PAG1: variants seen among roughly 807,000 people sequenced by gnomAD.
The protein encoded by PAG1 is phosphoprotein membrane anchor with glycosphingolipid microdomains 1.
A neutral mutation model predicts 31.7 loss-of-function variants in PAG1; 23 were observed. That is an observed-to-expected ratio of 0.73 (90% CI 0.52 to 1.03). PAG1 has a LOEUF of 1.03. Among genes scored for constraint, PAG1 ranks in the 50% least tolerant of loss-of-function variants. The pLI is 0.00. For missense variants in PAG1, 473 were observed against 540.7 expected (o/e 0.87, Z 1.24); for synonymous variants, 214 against 210.3 (o/e 1.02, Z -0.15).
intron 3 of PAG1, among the ~76,000 whole-genome samples, chr8:81,006,632 A>T (rs991651836): frequency 6.6e-6 from 1 of 152,162 alleles, no homozygotes; most frequent in African/African-American, 2.4e-5. Flanking sequence ...AATTCTGAAC[A>T]TCTTTAAAAT....
intron 2 of PAG1, among the ~76,000 whole-genome samples, chr8:81,034,334 A>G (rs1283435109): frequency 1.3e-5 from 2 of 152,244 alleles, no homozygotes; most frequent in East Asian, 3.8e-4. Flanking sequence ...AAATCAGAGT[A>G]GGCTCAAGGA....
chr8:81,030,088 G>A lies in PAG1; in HGVS notation c.-173C>T, dbSNP rs1808354796. The A allele has an allele frequency of 6.6e-6, 1 of 152,122 alleles. No individual in the cohort carries two copies. Among genetic ancestry groups the A allele is most frequent in the Non-Finnish European group, 1.5e-5 (1 of 68,024 alleles). The allele number at this position is 152,122 out of a possible 1,614,324, so 9.4% of individuals were successfully genotyped here. On this transcript the variant is annotated splice_region_variant and 5_prime_UTR_variant, in exon 3 of 9. Transcript: ENST00000220597. Reference sequence around the variant, plus strand: ...GGTGAGAGTTCTCTCTTCTTTCTTGGCCTATAGCCAAAGAGAAGGAAAGTT... The same window carrying A: ...GGTGAGAGTTCTCTCTTCTTTCTTGACCTATAGCCAAAGAGAAGGAAAGTT...
intron 5 of PAG1, among the ~76,000 whole-genome samples, chr8:80,991,227 G>C (rs1807540069): frequency 6.6e-6 from 1 of 152,176 alleles, no homozygotes; most frequent in Non-Finnish European, 1.5e-5. Flanking sequence ...CCTGTTTGCG[G>C]TCCTTTGTTA....
intron 2 of PAG1, among the ~76,000 whole-genome samples, chr8:81,035,912 C>CAT (rs1475136738): frequency 6.6e-6 from 1 of 151,728 alleles, no homozygotes; most frequent in Non-Finnish European, 1.5e-5. Context: ...TATATACATG[C>CAT]ATATATACAC....
At chr8:81,028,032 C>T (rs1808314814) in intron 3 of PAG1, among the ~76,000 whole-genome samples, 1 of 152,150 alleles carries the variant, frequency 6.6e-6, no homozygotes, top group Non-Finnish European at 1.5e-5. Context: ...GGCAGGCTCT[C>T]CCACTCTCTA....
At chr8:81,094,914 A>G (rs761369738) in intron 1 of PAG1, among the ~76,000 whole-genome samples, 3 of 152,242 alleles carry the variant, frequency 2.0e-5, no homozygotes, top group Non-Finnish European at 4.4e-5. Flanking sequence ...ACCTTGAGCC[A>G]GATGCTTAAT....
At chr8:81,051,822 A>G (rs1374645491) in intron 2 of PAG1, among the ~76,000 whole-genome samples, 2 of 151,962 alleles carry the variant, frequency 1.3e-5, no homozygotes, top group African/African-American at 4.9e-5. Context: ...CAGCCTGCAT[A>G]AATCATTTTA....
intron 3 of PAG1, among the ~76,000 whole-genome samples, chr8:81,025,181 AACACTG>A (rs1366739025): frequency 2.0e-5 from 3 of 152,006 alleles, no homozygotes; most frequent in Admixed American, 2.0e-4. Context: ...TCCTTAAGAC[AACACTG>A]ACCAAATGAT....
rs1474042870 is a variant in PAG1 at position 80,984,738 on chromosome 8, G to T, written c.876+38C>A. 1.9e-6 allele frequency: 3 copies of T among 1,591,216 alleles called. No homozygotes were observed. The South Asian group carries it at 3.4e-5, about 18-fold the overall frequency. ...GCCAGCTAGATTCCTAACCAGAACA[G>T]GAACCCACAAAGACAAAACAAAAAC... On this transcript the variant is annotated intron_variant, in intron 7 of 8. Transcript: ENST00000220597.
In PAG1 at chr8:81,024,537, C is replaced by T. The variant is rs558487570; in HGVS notation, c.-81+5459G>A. On this transcript the variant is annotated intron_variant, in intron 3 of 8. Transcript: ENST00000220597. ...GATGTATATTAAATGTATGTATCCA[C>T]AAGACCTATGAAGTGTATCTACTGA... Among the ~76,000 whole-genome samples the T allele has an allele frequency of 2.3e-4, 35 of 152,276 alleles. No homozygotes were observed. In the South Asian group the frequency reaches 7.1e-3, roughly 31 times the overall value.
At chr8:81,055,090 T>G (rs1808795714) in intron 2 of PAG1, among the ~76,000 whole-genome samples, 1 of 151,196 alleles carries the variant, frequency 6.6e-6, no homozygotes, top group Non-Finnish European at 1.5e-5. Flanking sequence ...TTTTTTTTTT[T>G]GTTGACACAG....
At chr8:80,988,960 A>C (rs923227779) in intron 5 of PAG1, among the ~76,000 whole-genome samples, 1 of 152,210 alleles carries the variant, frequency 6.6e-6, no homozygotes, top group Non-Finnish European at 1.5e-5. Context: ...AGCCCAAATC[A>C]CTGCAAATGT....
At chr8:81,046,175 G>A (rs969225663) in intron 2 of PAG1, among the ~76,000 whole-genome samples, 22 of 152,178 alleles carry the variant, frequency 1.4e-4, no homozygotes, top group African/African-American at 4.6e-4. Flanking sequence ...TTTTGGTCTT[G>A]GAGAGGATAT....
At position 81,050,877 on chromosome 8, in the gene PAG1, A is replaced by T. The variant is rs375584869; in HGVS notation, c.-175+19235T>A. 5.9e-5 allele frequency among the ~76,000 whole-genome samples: 9 copies of T among 152,330 alleles called. 2 individuals are homozygous for T. Among genetic ancestry groups the T allele is most frequent in the Admixed American group, 3.3e-4 (5 of 15,304 alleles). ...CTCATTCCAAAGGAAACACAAACTCACTGCCTTCAGCCTCCCAGAATCATC... is the reference window on the plus strand; with the variant it reads ...CTCATTCCAAAGGAAACACAAACTCTCTGCCTTCAGCCTCCCAGAATCATC... On this transcript the variant is annotated intron_variant, in intron 2 of 8. Transcript: ENST00000220597.
intron 1 of PAG1, among the ~76,000 whole-genome samples, chr8:81,103,009 T>C (rs116251312): frequency 0.015 from 2,338 of 152,272 alleles, 51 homozygotes; most frequent in African/African-American, 0.052. Context: ...GCCATTGCAA[T>C]TGCTGAAAAA....
At chr8:81,063,831 G>A (rs909527656) in intron 2 of PAG1, among the ~76,000 whole-genome samples, 8 of 152,112 alleles carry the variant, frequency 5.3e-5, no homozygotes, top group African/African-American at 1.2e-4. Flanking sequence ...AGATCTCCTC[G>A]TCATTAGACC....
intron 1 of PAG1, among the ~76,000 whole-genome samples, chr8:81,110,054 A>T (rs1213458663): frequency 1.3e-5 from 2 of 151,070 alleles, no homozygotes; most frequent in Non-Finnish European, 3.0e-5. Context: ...TAGTATTCCT[A>T]AAAAAAAACC....
intron 7 of PAG1, among the ~76,000 whole-genome samples, chr8:80,982,138 T>C (rs913223597): frequency 6.6e-6 from 1 of 152,194 alleles, no homozygotes; most frequent in African/African-American, 2.4e-5. Context: ...AGTGTTACGA[T>C]TACAGGCATG....
chr8:81,105,557 G>C (rs1286956313), intron 1 of PAG1, among the ~76,000 whole-genome samples: 4 of 152,070 alleles, frequency 2.6e-5, no homozygotes, highest in Admixed American at 6.5e-5. Context: ...GCTATGTTAG[G>C]GACTGGCTTT....
Sources: gnomAD v4.1 joint callset for allele counts (sites outside exome capture counted in the v4.1 genomes callset) on GRCh38, gnomAD v4.1.1 for gene constraint, MANE v1.5 for transcripts, NCBI Gene and HGNC (gene_info 2026-07-23, HGNC 2026-07-21) for gene names.